Variants in WWC2 observed in about 807,000 individuals in gnomAD.
WWC2 encodes WW and C2 domain containing 2, also known as protein WWC2.
WWC2 carries 101 observed loss-of-function variants against 138.5 expected under a neutral mutation model. The ratio of observed to expected loss-of-function variants is 0.73; its 90% CI spans 0.62 to 0.86. The LOEUF (loss-of-function observed/expected upper bound fraction) is 0.86, where lower values mean the gene tolerates loss of function less well. WWC2 is among the 40% of genes least tolerant of loss of function. The probability of loss-of-function intolerance (pLI) is 0.00; values close to 1 mark genes in which losing one functional copy is unlikely to be tolerated. For synonymous variants in WWC2, 558 were observed against 538.4 expected, an observed-to-expected ratio of 1.04 and a Z score of -0.50; for missense variants, 1,420 against 1,419.4, an observed-to-expected ratio of 1.00 and a Z score of -0.01.
rs918688191 is a variant in WWC2, at chr4:183,315,800, G to A, written c.*71G>A. The A allele has an allele frequency of 1.5e-6, 2 of 1,319,718 alleles. No individual in the cohort carries two copies. The highest frequency in any genetic ancestry group is 3.0e-5 in the African/African-American group (2 of 67,584). The allele number at this position is 1,319,718 out of a possible 1,614,324, so 81.8% of individuals were successfully genotyped here. ...GGAGGGTAAAAGACTGAAGATTTGT[G>A]TTTTTGTTTTGGTGTTTGGTTTTTT... On this transcript the variant is annotated 3_prime_UTR_variant, in exon 23 of 23. Transcript: ENST00000403733.
At chr4:183,262,487 A>G (rs1023113453) in intron 11 of WWC2, among the ~76,000 whole-genome samples, 4 of 152,338 alleles carry the variant, frequency 2.6e-5, no homozygotes, top group South Asian at 4.1e-4. Context: ...TGATTGGCCA[A>G]TTCAGATATG....
chr4:183,306,573 A>AT (rs879541491), intron 21 of WWC2, among the ~76,000 whole-genome samples: 238 of 147,596 alleles, frequency 1.6e-3, no homozygotes, highest in African/African-American at 3.5e-3. Context: ...AGGGGTAACA[A>AT]TTTTTTTTTT....
intron 4 of WWC2, among the ~76,000 whole-genome samples, chr4:183,212,533 C>T (rs1304573877): frequency 1.3e-5 from 2 of 152,174 alleles, no homozygotes; most frequent in Non-Finnish European, 2.9e-5. Flanking sequence ...AACTCCAATA[C>T]TCGAGCTGTG....
Position 183,275,703 on chromosome 4 carries a change from G to A in WWC2, c.2562+4462G>A, listed in dbSNP as rs958928447. Reference sequence around the variant, plus strand: ...GTATGTTGTTGGACTCAGTTTGCTAGTATTCCATTCAGGATTTTCGTGTCT... The same window carrying A: ...GTATGTTGTTGGACTCAGTTTGCTAATATTCCATTCAGGATTTTCGTGTCT... On this transcript the variant is annotated intron_variant, in intron 16 of 22. Transcript: ENST00000403733. Among the ~76,000 whole-genome samples the A allele has an allele frequency of 2.8e-4, 43 of 152,082 alleles. 1 individual carries two copies. Among genetic ancestry groups the A allele is most frequent in the South Asian group, 2.7e-3 (13 of 4,816 alleles).
rs1247189696 is a variant in WWC2 at position 183,135,774 on chromosome 4, C to G, written c.131+36152C>G. Among the ~76,000 whole-genome samples the G allele has an allele frequency of 3.3e-5, 5 of 152,040 alleles. No homozygotes were observed. In the East Asian group the frequency reaches 9.6e-4, roughly 29 times the overall value. ...TCTGCTGGTTGCACGCTCAATTTTT[C>G]TTGGAAAATGTCTTCATTTCATTAT... On this transcript the variant is annotated intron_variant, in intron 1 of 22. Transcript: ENST00000403733.
At chr4:183,105,269 A>G (rs968684047) in intron 1 of WWC2, among the ~76,000 whole-genome samples, 1 of 152,196 alleles carries the variant, frequency 6.6e-6, no homozygotes, top group Non-Finnish European at 1.5e-5. Flanking sequence ...TGTGGCCTTC[A>G]ACAAGTTGGT....
chr4:183,173,089 G>A (rs888411062), intron 1 of WWC2, among the ~76,000 whole-genome samples: 3 of 151,664 alleles, frequency 2.0e-5, no homozygotes, highest in Non-Finnish European at 4.4e-5. Context: ...CTGTCACCCA[G>A]GCTGGAGTGC....
At chr4:183,100,101 C>G (rs1743123449) in intron 1 of WWC2, among the ~76,000 whole-genome samples, 2 of 152,354 alleles carry the variant, frequency 1.3e-5, no homozygotes, top group East Asian at 3.9e-4. Flanking sequence ...GCGGGGGCGC[C>G]CAGACTGGCC....
chr4:183,211,654 C>CGTGAA (rs1560845456), intron 4 of WWC2, among the ~76,000 whole-genome samples: 2 of 152,118 alleles, frequency 1.3e-5, no homozygotes, highest in Admixed American at 1.3e-4. Flanking sequence ...CTGAACTTCA[C>CGTGAA]GTCTCTTCCC....
At chr4:183,289,155 C>T (rs1014098577) in intron 20 of WWC2, among the ~76,000 whole-genome samples, 3 of 152,236 alleles carry the variant, frequency 2.0e-5, no homozygotes, top group African/African-American at 7.2e-5. Flanking sequence ...TTTGCTCTCC[C>T]TCCAGCAGGG....
chr4:183,256,537 G>A (rs1023639662), intron 9 of WWC2, among the ~76,000 whole-genome samples: 6 of 152,058 alleles, frequency 3.9e-5, no homozygotes, highest in African/African-American at 1.2e-4. Flanking sequence ...CACTGACGCC[G>A]GGAGTTTAAG....
At chr4:183,117,961 C>CCT (rs1732471589) in intron 1 of WWC2, among the ~76,000 whole-genome samples, 1 of 138,570 alleles carries the variant, frequency 7.2e-6, no homozygotes, top group Non-Finnish European at 1.6e-5. Context: ...CCACCATGCT[C>CCT]GGCTAATTTT....
intron 1 of WWC2, among the ~76,000 whole-genome samples, chr4:183,159,713 CTT>C (rs5741942): frequency 0.26 from 37,028 of 141,882 alleles, 5,722 homozygotes; most frequent in Middle Eastern, 0.4. Context: ...CTGAACTTAC[CTT>C]TTTTTTTTTT....
intron 1 of WWC2, among the ~76,000 whole-genome samples, chr4:183,126,254 A>G (rs1732753938): frequency 6.6e-6 from 1 of 152,198 alleles, no homozygotes; most frequent in African/African-American, 2.4e-5. Context: ...AGAACAAGTT[A>G]TTATTATGGA....
chr4:183,232,735 C>T (rs1279524315), intron 4 of WWC2, among the ~76,000 whole-genome samples: 3 of 152,158 alleles, frequency 2.0e-5, no homozygotes, highest in Non-Finnish European at 4.4e-5. Flanking sequence ...GCAACCTCTG[C>T]CTCCCGGGTT....
At chr4:183,123,402 G>GGGGTGTGTGT (rs1554065768) in intron 1 of WWC2, among the ~76,000 whole-genome samples, 2 of 147,604 alleles carry the variant, frequency 1.4e-5, no homozygotes, top group African/African-American at 5.0e-5. Context: ...GCAAGTTTCA[G>GGGGTGTGTGT]GTGTGTGTGT....
In WWC2 at chr4:183,245,399, T is replaced by C; in HGVS notation, c.603-17T>C. ...ATCATTCTTTGATATTTTTTCTTTC[T>C]TTTTCTCTTTTCACAGAATTGATAA... On this transcript the variant is annotated splice_polypyrimidine_tract_variant and intron_variant, in intron 5 of 22. Transcript: ENST00000403733. 6.6e-7 allele frequency: 1 copy of C among 1,510,096 alleles called. No individual in the cohort carries two copies. The highest frequency in any genetic ancestry group is 8.8e-7 in the Non-Finnish European group (1 of 1,136,170). The allele number at this position is 1,510,096 out of a possible 1,614,324, so 93.5% of individuals were successfully genotyped here.
In WWC2 at chr4:183,269,069, T is replaced by C; in HGVS notation, c.2306T>C (p.Val769Ala). ...PPTESILFND[V>A]FRVAISQTAL... ...ACAGAATCCATTTTATTCAATGATGTGTTCAGAGTCGCCATTTCCCAAACA... is the reference window on the plus strand; with the variant it reads ...ACAGAATCCATTTTATTCAATGATGCGTTCAGAGTCGCCATTTCCCAAACA... Residue 769 changes from valine to alanine, a missense_variant, in exon 15 of 23, where the codon GTG (valine) becomes GCG (alanine). Transcript: ENST00000403733. 6.2e-7 allele frequency: 1 copy of C among 1,613,996 alleles called. No individual in the cohort carries two copies. The highest frequency in any genetic ancestry group is 8.5e-7 in the Non-Finnish European group (1 of 1,179,890).
In WWC2 at chr4:183,319,133, T is replaced by C; in HGVS notation, c.*3404T>C. 6.2e-6 allele frequency: 1 copy of C among 161,508 alleles called. No homozygotes were observed. The highest frequency in any genetic ancestry group is 1.8e-4 in the East Asian group (1 of 5,476). 10.0% of individuals were successfully genotyped at this position (161,508 alleles called of 1,614,324 possible). ...AAGAGCTAGTAATTATTTTATATAA[T>C]AAGACGTCATGCATTTTAAATAAAT... On this transcript the variant is annotated 3_prime_UTR_variant, in exon 23 of 23. Transcript: ENST00000403733.
Sources: gnomAD v4.1 joint callset for allele counts (sites outside exome capture counted in the v4.1 genomes callset) on GRCh38, gnomAD v4.1.1 for gene constraint, MANE v1.5 for transcripts, NCBI Gene and HGNC (gene_info 2026-07-23, HGNC 2026-07-21) for gene names.